AFG2A: variants seen among roughly 807,000 people sequenced by gnomAD.
The protein encoded by AFG2A is AAA ATPase AFG2A, also known as ATPase family gene 2 protein homolog A.
At chr4:122,957,790 A>G in the AFG2A span, among the ~76,000 whole-genome samples, 3 of 152,196 alleles carry the variant, frequency 2.0e-5, no homozygotes, top group African/African-American at 7.2e-5. Context: ...AGCAGTCACA[A>G]TCATTACACT....
the AFG2A span, among the ~76,000 whole-genome samples, chr4:122,973,897 C>T: frequency 2.0e-5 from 3 of 152,136 alleles, no homozygotes; most frequent in African/African-American, 4.8e-5. Flanking sequence ...AGGCTAGTCT[C>T]GGACTCCTGG....
chr4:123,226,751 C>T, the AFG2A span, among the ~76,000 whole-genome samples: 5 of 152,042 alleles, frequency 3.3e-5, no homozygotes, highest in East Asian at 9.6e-4. Flanking sequence ...GATTCCCTCT[C>T]TTCCTGTTGA....
chr4:123,235,352 A>C, the AFG2A span, among the ~76,000 whole-genome samples: 1 of 152,162 alleles, frequency 6.6e-6, no homozygotes, highest in Admixed American at 6.5e-5. Context: ...ATGGGGGAAA[A>C]GTGCTCACAT....
the AFG2A span, among the ~76,000 whole-genome samples, chr4:123,294,869 A>G: frequency 6.6e-6 from 1 of 152,244 alleles, no homozygotes; most frequent in Admixed American, 6.5e-5. Flanking sequence ...GCATATAAGT[A>G]TATGATCTTA....
the AFG2A span, among the ~76,000 whole-genome samples, chr4:123,261,776 T>C: frequency 6.6e-6 from 1 of 152,122 alleles, no homozygotes; most frequent in Non-Finnish European, 1.5e-5. Context: ...TTACCATATT[T>C]TGTAGTTATT....
At chr4:123,110,977 T>G in the AFG2A span, among the ~76,000 whole-genome samples, 3 of 152,218 alleles carry the variant, frequency 2.0e-5, no homozygotes, top group African/African-American at 7.2e-5. Flanking sequence ...ATTTAAAAAT[T>G]TTATGTGTTA....
the AFG2A span, among the ~76,000 whole-genome samples, chr4:123,284,799 T>C: frequency 6.6e-6 from 1 of 152,190 alleles, no homozygotes; most frequent in African/African-American, 2.4e-5. Flanking sequence ...AGAGGATTTT[T>C]GGATTCTCTG....
the AFG2A span, among the ~76,000 whole-genome samples, chr4:123,145,212 ACCTGG>A: frequency 2.6e-5 from 4 of 151,978 alleles, no homozygotes; most frequent in Non-Finnish European, 5.9e-5. Context: ...GAATAATTTT[ACCTGG>A]CCACACTGAT....
At chr4:123,276,852 G>A in the AFG2A span, among the ~76,000 whole-genome samples, 2 of 152,058 alleles carry the variant, frequency 1.3e-5, no homozygotes, top group African/African-American at 4.8e-5. Context: ...TTCTGTTTTT[G>A]TACCAGTATC....
At chr4:123,084,546 A>C in the AFG2A span, among the ~76,000 whole-genome samples, 1 of 151,218 alleles carries the variant, frequency 6.6e-6, no homozygotes, top group Admixed American at 6.6e-5. Context: ...ATTTATAGAT[A>C]TATATCTATA....
At chr4:123,069,221 C>T in the AFG2A span, among the ~76,000 whole-genome samples, 10 of 152,150 alleles carry the variant, frequency 6.6e-5, no homozygotes, top group South Asian at 6.2e-4. Context: ...AGACTGCTGC[C>T]ATCCATGATA....
chr4:122,993,839 A>G, the AFG2A span, among the ~76,000 whole-genome samples: 4 of 152,008 alleles, frequency 2.6e-5, no homozygotes, highest in Non-Finnish European at 5.9e-5. Flanking sequence ...TATTAATTAT[A>G]TATCTTCTCC....
At chr4:123,152,436 A>G in the AFG2A span, among the ~76,000 whole-genome samples, 9 of 152,254 alleles carry the variant, frequency 5.9e-5, no homozygotes, top group Admixed American at 2.6e-4. Context: ...TAACAACTGG[A>G]TTTAAAAATG....
chr4:123,074,631 C>A, the AFG2A span, among the ~76,000 whole-genome samples: 30 of 151,748 alleles, frequency 2.0e-4, no homozygotes, highest in Admixed American at 9.2e-4. Flanking sequence ...ATTCCAAGTC[C>A]CTGGTGAAAT....
the AFG2A span, among the ~76,000 whole-genome samples, chr4:123,255,841 T>C: frequency 6.6e-6 from 1 of 151,602 alleles, no homozygotes; most frequent in Admixed American, 6.6e-5. Context: ...AAAGTACTCT[T>C]GACATTGTTT....
the AFG2A span, among the ~76,000 whole-genome samples, chr4:123,104,365 A>G: frequency 2.6e-5 from 4 of 152,108 alleles, no homozygotes. Context: ...ACAGCCAGCC[A>G]TTTTTCTGTC....
chr4:123,179,965 A>T, the AFG2A span, among the ~76,000 whole-genome samples: 15 of 152,114 alleles, frequency 9.9e-5, no homozygotes, highest in Non-Finnish European at 1.5e-5. Flanking sequence ...CCTGCCTGTA[A>T]TCCCCGCACT....
At chr4:123,131,169 C>G in the AFG2A span, among the ~76,000 whole-genome samples, 1 of 152,116 alleles carries the variant, frequency 6.6e-6, no homozygotes, top group African/African-American at 2.4e-5. Context: ...CAAACCTTCT[C>G]TTAATCTGTA....
chr4:123,120,033 C>T, the AFG2A span, among the ~76,000 whole-genome samples: 4 of 152,164 alleles, frequency 2.6e-5, no homozygotes, highest in East Asian at 1.9e-4. Flanking sequence ...CAATTACTTC[C>T]ATGATGTGGG....
Sources: gnomAD v4.1 joint callset for allele counts (sites outside exome capture counted in the v4.1 genomes callset) on GRCh38, gnomAD v4.1.1 for gene constraint, MANE v1.5 for transcripts, NCBI Gene and HGNC (gene_info 2026-07-23, HGNC 2026-07-21) for gene names.